The following KCNQ1 variants were observed in gnomAD, a reference collection of about 807,000 sequenced individuals.
The protein encoded by KCNQ1 is potassium voltage-gated channel subfamily KQT member 1.
Under a neutral mutation model 72.4 loss-of-function variants are expected in KCNQ1, and 49 were observed. That is an observed-to-expected ratio of 0.68 (90% confidence interval 0.54 to 0.86). The LOEUF (loss-of-function observed/expected upper bound fraction) is 0.86. KCNQ1 is among the 40% of genes least tolerant of loss of function. The probability of loss-of-function intolerance (pLI) is 0.00; values close to 1 mark genes in which losing one functional copy is unlikely to be tolerated. For synonymous variants in KCNQ1, 450 were observed against 412.6 expected, an observed-to-expected ratio of 1.09 and a Z score of -1.10; for missense variants, 790 against 945.1, an observed-to-expected ratio of 0.84 and a Z score of 2.15.
Position 2,532,918 on chromosome 11 carries a change from C to T in KCNQ1, c.477+4900C>T, listed in dbSNP as rs1435649255. 3.9e-5 allele frequency among the ~76,000 whole-genome samples: 6 copies of T among 152,198 alleles called. No individual in the cohort carries two copies. In the East Asian group the frequency reaches 9.7e-4, roughly 25 times the overall value. ...GAGGTACGAGAAGCAAAGGTGTTTG[C>T]AGCCCTTGGGGCCAGGCGGCGGGAA... On this transcript the variant is annotated intron_variant, in intron 2 of 15. Coordinates refer to ENST00000155840, the MANE Select transcript of KCNQ1 (RefSeq NM_000218.3).
chr11:2,728,692 C>A (rs1845804798), intron 11 of KCNQ1, among the ~76,000 whole-genome samples: 1 of 152,182 alleles, frequency 6.6e-6, no homozygotes, highest in Non-Finnish European at 1.5e-5. Context: ...GTTCTGCTGG[C>A]CCAGAGTGCC....
chr11:2,555,821 A>G (rs1043542823), intron 2 of KCNQ1, among the ~76,000 whole-genome samples: 2 of 152,174 alleles, frequency 1.3e-5, no homozygotes, highest in Non-Finnish European at 2.9e-5. Context: ...TTCTGGTGGA[A>G]TGGGGCAGGG....
rs1461928355 is a variant in KCNQ1, at chr11:2,840,740, A to T, written c.1795-7027A>T. Among the ~76,000 whole-genome samples the T allele has an allele frequency of 2.0e-5, 3 of 152,230 alleles. No homozygotes were observed. In the East Asian group the frequency reaches 5.8e-4, roughly 29 times the overall value. On this transcript the variant is annotated intron_variant, in intron 15 of 15. Coordinates refer to ENST00000155840, the MANE Select transcript of KCNQ1 (RefSeq NM_000218.3). ...GAAAAACATGTGTGATGTGTACTTG[A>T]CATCTTTCTTAACATAGAGTCCTTA...
At position 2,828,025 on chromosome 11, in the gene KCNQ1, A is replaced by G. The variant is rs1243846522; in HGVS notation, c.1795-19742A>G. 1.3e-5 allele frequency among the ~76,000 whole-genome samples: 2 copies of G among 152,224 alleles called. No individual in the cohort carries two copies. The highest frequency in any genetic ancestry group is 2.9e-5 in the Non-Finnish European group (2 of 68,044). ...GCTCGAATGTGGGGAGGCCAGCAAC[A>G]GAGGGAACACTACCTGCAAAGGGGC... is the stretch of plus-strand genomic sequence containing the variant. On this transcript the variant is annotated intron_variant, in intron 15 of 15. Transcript: ENST00000155840. This position sits in a 1 kb window ranked among gnomAD's most constrained non-coding sequence, Gnocchi z 5.3.
chr11:2,840,078 AACTT>A (rs1270709715), intron 15 of KCNQ1: 1 of 152,162 alleles, frequency 6.6e-6, no homozygotes, highest in Non-Finnish European at 1.5e-5. Flanking sequence ...ACTCCCCAGA[AACTT>A]CACTAATAGC....
intron 10 of KCNQ1, chr11:2,610,331 A>G: frequency 2.5e-6 from 1 of 398,094 alleles, no homozygotes. Flanking sequence ...CATCTTTATT[A>G]TGCGCTATTA....
intron 11 of KCNQ1, among the ~76,000 whole-genome samples, chr11:2,732,645 G>A (rs1331224088): frequency 7.9e-5 from 12 of 152,262 alleles, no homozygotes; most frequent in Non-Finnish European, 1.8e-4. Flanking sequence ...CGGCCACGGG[G>A]CAGCAGTTGC....
chr11:2,705,221 G>A (rs1850886283), intron 11 of KCNQ1, among the ~76,000 whole-genome samples: 2 of 152,224 alleles, frequency 1.3e-5, no homozygotes, highest in Non-Finnish European at 2.9e-5. Flanking sequence ...TTGCGTTCCT[G>A]CATTTGGGGT....
In KCNQ1 at chr11:2,674,834, A is replaced by T. The variant is rs1401414780; in HGVS notation, c.1514+12753A>T. On this transcript the variant is annotated intron_variant, in intron 11 of 15. Transcript: ENST00000155840. The surrounding 1 kb of genome is among the most constrained non-coding windows in gnomAD (Gnocchi z 5.9). The stretch of plus-strand genomic sequence containing the variant: ...TTGTCACCCTAATAGCTGTTTTTTA[A>T]AAAAAAAAAAAAAAAAAAAAAAAAA... 5.6e-4 allele frequency: 87 copies of T among 154,254 alleles called. No individual in the cohort carries two copies. The Middle Eastern group carries it at 7.5e-3, about 13-fold the overall frequency. 9.6% of individuals were successfully genotyped at this position (154,254 alleles called of 1,614,324 possible). A position where few individuals can be genotyped will look rare whatever the true frequency, so the allele number is the denominator to read the frequency against.
rs1425348153 is a variant in KCNQ1 at position 2,563,010 on chromosome 11, G to A, written c.478-7618G>A. ...GTCTGCGAGGCTTCCTTTATGTTTT[G>A]CAAAAAAATCTATATATTTCATCCA... On this transcript the variant is annotated intron_variant, in intron 2 of 15. Coordinates refer to ENST00000155840, the MANE Select transcript of KCNQ1 (RefSeq NM_000218.3). This position sits in a 1 kb window ranked among gnomAD's most constrained non-coding sequence, Gnocchi z 7.4. Among the ~76,000 whole-genome samples the A allele has an allele frequency of 6.6e-6, 1 of 152,112 alleles. No homozygotes were observed. The highest frequency in any genetic ancestry group is 1.5e-5 in the Non-Finnish European group (1 of 68,028).
chr11:2,525,534 CA>C (rs1277634288), intron 1 of KCNQ1, among the ~76,000 whole-genome samples: 1 of 152,250 alleles, frequency 6.6e-6, no homozygotes, highest in Non-Finnish European at 1.5e-5. Context: ...TCCTCAGAGC[CA>C]AAGCAGTGTG....
rs45510192 is a variant in KCNQ1, at chr11:2,848,485, G to A, written c.*482G>A. 9.5e-3 allele frequency: 4,364 copies of A among 457,462 alleles called. 162 individuals are homozygous for A. The highest frequency in any genetic ancestry group is 0.075 in the African/African-American group (3,777 of 50,242). The allele number at this position is 457,462 out of a possible 1,614,324, so 28.3% of individuals were successfully genotyped here. On this transcript the variant is annotated 3_prime_UTR_variant, in exon 16 of 16. Coordinates refer to ENST00000155840, the MANE Select transcript of KCNQ1 (RefSeq NM_000218.3). ...AGCCCACGCTGACTACAGGGCCGCC[G>A]GCAATAAAAGCCCAGGAGCCCATTT... is the stretch of plus-strand genomic sequence containing the variant.
chr11:2,517,572 A>G (rs1437009808), intron 1 of KCNQ1, among the ~76,000 whole-genome samples: 1 of 152,188 alleles, frequency 6.6e-6, no homozygotes, highest in Non-Finnish European at 1.5e-5. Context: ...CAGGACATCC[A>G]GGCATGTGGC....
At position 2,677,849 on chromosome 11, in the gene KCNQ1, T is replaced by C; in HGVS notation, c.1514+15768T>C. On this transcript the variant is annotated intron_variant, in intron 11 of 15. Transcript: ENST00000155840. This position sits in a 1 kb window ranked among gnomAD's most constrained non-coding sequence, Gnocchi z 4.5. Reference sequence around the variant, plus strand: ...ATACTGCCAAATAAGGGCTGTACCATTTACATCACTTTGACTGCACAAATG... The same window carrying C: ...ATACTGCCAAATAAGGGCTGTACCACTTACATCACTTTGACTGCACAAATG... 1 of 398,516 alleles carries C rather than the reference T, an allele frequency of 2.5e-6. No individual in the cohort carries two copies. Among genetic ancestry groups the C allele is most frequent in the Non-Finnish European group, 4.4e-6 (1 of 226,050 alleles). The allele number at this position is 398,516 out of a possible 1,614,324, so 24.7% of individuals were successfully genotyped here.
chr11:2,604,768 C>T (rs1207763285), intron 10 of KCNQ1, among the ~76,000 whole-genome samples: 1 of 152,116 alleles, frequency 6.6e-6, no homozygotes, highest in Non-Finnish European at 1.5e-5. Context: ...TGGTCTCGAT[C>T]TCCTGACCTC....
rs1282771390 is a variant in KCNQ1, at chr11:2,570,709, C to T, written c.559C>T (p.Leu187Phe). 7.4e-6 allele frequency: 12 copies of T among 1,612,446 alleles called. No individual in the cohort carries two copies. Among genetic ancestry groups the T allele is most frequent in the Non-Finnish European group, 1.0e-5 (12 of 1,180,020 alleles). The change falls in exon 3 of 16, where the codon CTC becomes TTC. Residue 187 changes from leucine (L) to phenylalanine (F), a missense_variant. Physicochemically the swap from Leu to Phe is conservative, Grantham distance 22. Coordinates refer to ENST00000155840, the MANE Select transcript of KCNQ1 (RefSeq NM_000218.3). ...SAGCRSKYVGLWGRLRFARKP... is the reference protein window; with the variant it reads ...SAGCRSKYVGFWGRLRFARKP... ...CGGCTGCCGCAGCAAGTACGTGGGCCTCTGGGGGCGGCTGCGCTTTGCCCG... is the reference window on the plus strand; with the variant it reads ...CGGCTGCCGCAGCAAGTACGTGGGCTTCTGGGGGCGGCTGCGCTTTGCCCG...
At position 2,712,869 on chromosome 11, in the gene KCNQ1, T is replaced by C. The variant is rs1050127851; in HGVS notation, c.1514+50788T>C. Among the ~76,000 whole-genome samples the C allele has an allele frequency of 6.6e-6, 1 of 152,036 alleles. No homozygotes were observed. Among genetic ancestry groups the C allele is most frequent in the Admixed American group, 6.6e-5 (1 of 15,264 alleles). On this transcript the variant is annotated intron_variant, in intron 11 of 15. Coordinates refer to ENST00000155840, the MANE Select transcript of KCNQ1 (RefSeq NM_000218.3). This position sits in a 1 kb window ranked among gnomAD's most constrained non-coding sequence, Gnocchi z 6.4. ...GGCTGGACACAGGGAGGAGGCAGCA[T>C]GGGAAATGGAAGGACTGCAGCCCCC... is the stretch of plus-strand genomic sequence containing the variant.
chr11:2,485,953 T>C (rs535524918), intron 1 of KCNQ1, among the ~76,000 whole-genome samples: 1 of 152,374 alleles, frequency 6.6e-6, no homozygotes, highest in African/African-American at 2.4e-5. Context: ...TTGATGAACA[T>C]TTGGGTTGCC....
Position 2,648,827 on chromosome 11 carries a change from T to G in KCNQ1, c.1394-13134T>G, listed in dbSNP as rs181892045. On this transcript the variant is annotated intron_variant, in intron 10 of 15. Coordinates refer to ENST00000155840, the MANE Select transcript of KCNQ1 (RefSeq NM_000218.3). Reference sequence around the variant, plus strand: ...AAATGTTGCCATCCCTAACTATTATTGTATTGGGGTCTATCTCTTTAGCAC... The same window carrying G: ...AAATGTTGCCATCCCTAACTATTATGGTATTGGGGTCTATCTCTTTAGCAC... 3 of 398,508 alleles carry G rather than the reference T, an allele frequency of 7.5e-6. No homozygotes were observed. In the East Asian group the frequency reaches 1.1e-4, roughly 14 times the overall value. The allele number at this position is 398,508 out of a possible 1,614,324, so 24.7% of individuals were successfully genotyped here.
Sources: allele counts gnomAD v4.1 joint callset (sites outside exome capture counted in the v4.1 genomes callset), GRCh38; gene constraint gnomAD v4.1.1; non-coding constraint Gnocchi (gnomAD v3.1); transcripts MANE v1.5; gene names NCBI Gene and HGNC (gene_info 2026-07-23, HGNC 2026-07-21).